DLGAP2: variants seen among roughly 807,000 people sequenced by gnomAD.
DLGAP2 encodes DLG associated protein 2, also known as disks large-associated protein 2.
A neutral mutation model predicts 100.3 loss-of-function variants in DLGAP2; 26 were observed. The observed-to-expected ratio is 0.26, with a 90% CI of 0.19 to 0.36. The LOEUF (loss-of-function observed/expected upper bound fraction) is 0.36. DLGAP2 is among the 10% of genes least tolerant of loss of function. The pLI, the probability that DLGAP2 is intolerant of heterozygous loss-of-function variation, is 1.00. For synonymous variants in DLGAP2, 886 were observed against 630.1 expected (o/e 1.41, Z -6.08); for missense variants, 1,858 against 1,453.2 (o/e 1.28, Z -4.53).
intron 6 of DLGAP2, among the ~76,000 whole-genome samples, chr8:1,582,575 G>A (rs937676552): frequency 1.3e-5 from 2 of 151,390 alleles, no homozygotes; most frequent in African/African-American, 4.8e-5. Context: ...CAAGAAATAG[G>A]AAATGAAGTT....
intron 1 of DLGAP2, chr8:754,353 C>G (rs962052363): frequency 2.6e-5 from 4 of 152,220 alleles, no homozygotes; most frequent in African/African-American, 9.7e-5. Context: ...GGACAACTCT[C>G]TTCCTAAAAA....
intron 4 of DLGAP2, among the ~76,000 whole-genome samples, chr8:1,521,005 G>A (rs564386070): frequency 3.3e-5 from 5 of 152,324 alleles, no homozygotes; most frequent in Admixed American, 3.3e-4. Flanking sequence ...CCGCGTCCTG[G>A]CCGGCGTGTG....
At chr8:1,447,268 T>C (rs567111975) in intron 3 of DLGAP2, among the ~76,000 whole-genome samples, 1 of 152,006 alleles carries the variant, frequency 6.6e-6, no homozygotes, top group South Asian at 2.1e-4. Context: ...ATACATCCCA[T>C]CTAATTTATT....
At chr8:828,046 C>T (rs184176813) in intron 1 of DLGAP2, among the ~76,000 whole-genome samples, 7 of 152,236 alleles carry the variant, frequency 4.6e-5, no homozygotes, top group African/African-American at 1.7e-4. Flanking sequence ...GGGTGACAGA[C>T]ATCAAGTACT....
At chr8:960,103 A>G (rs1051154709) in intron 2 of DLGAP2, among the ~76,000 whole-genome samples, 1 of 152,030 alleles carries the variant, frequency 6.6e-6, no homozygotes, top group Non-Finnish European at 1.5e-5. Context: ...AATGTTAATA[A>G]TTTGTTAGTC....
intron 6 of DLGAP2, among the ~76,000 whole-genome samples, chr8:1,571,557 T>TC (rs1802683238): frequency 1.4e-5 from 1 of 72,256 alleles, no homozygotes; most frequent in African/African-American, 5.5e-5. Context: ...AACTGTGGGG[T>TC]GTCTGATGAG....
At chr8:916,504 C>G (rs1464333335) in intron 2 of DLGAP2, among the ~76,000 whole-genome samples, 1 of 152,098 alleles carries the variant, frequency 6.6e-6, no homozygotes. Flanking sequence ...GGAAGGGGAA[C>G]ATCACACACC....
intron 2 of DLGAP2, among the ~76,000 whole-genome samples, chr8:945,505 G>C (rs747332958): frequency 6.6e-6 from 1 of 152,156 alleles, no homozygotes; most frequent in Non-Finnish European, 1.5e-5. Context: ...GAATGAGGCT[G>C]AGCCCCGGAC....
chr8:1,230,414 T>G (rs1186372565), intron 2 of DLGAP2, among the ~76,000 whole-genome samples: 3 of 152,182 alleles, frequency 2.0e-5, no homozygotes, highest in African/African-American at 4.8e-5. Context: ...GGAATCAATA[T>G]TGTTAAAATG....
chr8:1,292,658 C>T (rs748387981), intron 3 of DLGAP2, among the ~76,000 whole-genome samples: 2 of 152,186 alleles, frequency 1.3e-5, no homozygotes, highest in African/African-American at 2.4e-5. Flanking sequence ...TAACGGCCTC[C>T]GTCGCTCGGA....
At chr8:1,174,721 A>T (rs1437608837) in intron 2 of DLGAP2, among the ~76,000 whole-genome samples, 1 of 152,062 alleles carries the variant, frequency 6.6e-6, no homozygotes, top group African/African-American at 2.4e-5. Flanking sequence ...CATCACCACC[A>T]TCATTACCAT....
intron 1 of DLGAP2, among the ~76,000 whole-genome samples, chr8:777,026 T>G (rs555179744): frequency 3.6e-4 from 55 of 152,112 alleles, no homozygotes; most frequent in Middle Eastern, 6.8e-3. Flanking sequence ...TTATGAATCT[T>G]GGTGCTCCTG....
At chr8:1,189,765 A>C (rs1285889736) in intron 2 of DLGAP2, among the ~76,000 whole-genome samples, 1 of 152,196 alleles carries the variant, frequency 6.6e-6, no homozygotes, top group African/African-American at 2.4e-5. Flanking sequence ...CACGGCAGAT[A>C]CAGCCGCCTG....
intron 1 of DLGAP2, among the ~76,000 whole-genome samples, chr8:837,348 T>C (rs1275413057): frequency 6.6e-6 from 1 of 152,272 alleles, no homozygotes; most frequent in Non-Finnish European, 1.5e-5. Context: ...TCCAGCCACT[T>C]TTCGTGGTTC....
rs548728868 is a variant in DLGAP2 at position 1,351,378 on chromosome 8, G to A, written c.106+92495G>A. ...GCGGGTCCTGACTGTGTGTGGAAAG[G>A]CCGTGCGGGTCCTGAGTGTGTGTGG... is the stretch of plus-strand genomic sequence containing the variant. On this transcript the variant is annotated intron_variant, in intron 3 of 14. Transcript: ENST00000637795. 1.3e-3 allele frequency among the ~76,000 whole-genome samples: 55 copies of A among 42,908 alleles called. 5 individuals carry two copies. Among genetic ancestry groups the A allele is most frequent in the Middle Eastern group, 0.038 (2 of 52 alleles). 28.1% of individuals were successfully genotyped at this position (42,908 alleles called of 152,430 possible).
At chr8:1,018,238 G>A (rs1007682086) in intron 2 of DLGAP2, among the ~76,000 whole-genome samples, 81 of 152,196 alleles carry the variant, frequency 5.3e-4, no homozygotes, top group African/African-American at 1.7e-3. Context: ...AATCAGATGC[G>A]TTATCCCAGA....
In DLGAP2 at chr8:769,653, G is replaced by A. The variant is rs955059863; in HGVS notation, c.18+31828G>A. On this transcript the variant is annotated intron_variant, in intron 1 of 14. Transcript: ENST00000637795. Reference sequence around the variant, plus strand: ...GTGTTGGGATTTGAGTGGCTCAGGTGATGCTTATGTGTTTGCACATCCTAG... The same window carrying A: ...GTGTTGGGATTTGAGTGGCTCAGGTAATGCTTATGTGTTTGCACATCCTAG... Among the ~76,000 whole-genome samples the A allele has an allele frequency of 2.0e-5, 3 of 152,124 alleles. No homozygotes were observed. In the South Asian group the frequency reaches 6.2e-4, roughly 32 times the overall value.
intron 3 of DLGAP2, among the ~76,000 whole-genome samples, chr8:1,306,798 G>A (rs1245835238): frequency 6.6e-6 from 1 of 152,108 alleles, no homozygotes; most frequent in African/African-American, 2.4e-5. Context: ...CAATGGAGAA[G>A]GAACAGTGTT....
At chr8:1,238,419 C>A (rs550969408) in intron 2 of DLGAP2, among the ~76,000 whole-genome samples, 2 of 110,458 alleles carry the variant, frequency 1.8e-5, no homozygotes, top group East Asian at 5.4e-4. Flanking sequence ...AGTTATCTCA[C>A]ATGGTGCCGT....
Sources: gnomAD v4.1 joint callset for allele counts (sites outside exome capture counted in the v4.1 genomes callset) on GRCh38, gnomAD v4.1.1 for gene constraint, MANE v1.5 for transcripts, NCBI Gene and HGNC (gene_info 2026-07-23, HGNC 2026-07-21) for gene names.